DOCK8: variants seen among roughly 807,000 people sequenced by gnomAD.
The protein encoded by DOCK8 is dedicator of cytokinesis 8.
In DOCK8, 141 loss-of-function variants were observed where a neutral mutation model predicts 245.6. The observed-to-expected ratio is 0.57, with a 90% CI of 0.50 to 0.66. The LOEUF (loss-of-function observed/expected upper bound fraction) is 0.66. DOCK8 is among the 30% of genes least tolerant of loss of function. The pLI is 0.00. For missense variants in DOCK8, 2,965 were observed against 2,603.4 expected (o/e 1.14, Z -3.02); for synonymous variants, 1,168 against 970.2 (o/e 1.20, Z -3.79).
intron 2 of DOCK8, among the ~76,000 whole-genome samples, chr9:279,908 G>A (rs1347179519): frequency 6.6e-6 from 1 of 152,110 alleles, no homozygotes; most frequent in Non-Finnish European, 1.5e-5. Flanking sequence ...TGTGACTTGG[G>A]GCAAGTCATT....
intron 3 of DOCK8, among the ~76,000 whole-genome samples, chr9:287,232 T>C (rs1042516603): frequency 2.0e-5 from 3 of 152,188 alleles, no homozygotes; most frequent in Admixed American, 6.6e-5. Flanking sequence ...AATATGTGAA[T>C]AGCTAATTAG....
chr9:325,600 C>A, intron 7 of DOCK8, 71 bp from the exon 8 acceptor site: 2 of 1,240,672 alleles, frequency 1.6e-6, no homozygotes, highest in Non-Finnish European at 2.4e-6. Context: ...GTTTATCTAT[C>A]TAGGTGTTTT....
chr9:444,079 G>A (rs1247449423), intron 43 of DOCK8, among the ~76,000 whole-genome samples: 1 of 152,052 alleles, frequency 6.6e-6, no homozygotes, highest in Non-Finnish European at 1.5e-5. Flanking sequence ...TGGTAAAAAC[G>A]GCTTGGGTTT....
intron 26 of DOCK8, among the ~76,000 whole-genome samples, chr9:403,930 G>GC (rs2055262318): frequency 1.3e-5 from 1 of 76,888 alleles, no homozygotes; most frequent in African/African-American, 5.6e-5. Flanking sequence ...ATATATATAT[G>GC]TGTATATATA....
At chr9:371,697 T>G (rs1586826770) in intron 17 of DOCK8, 131 bp downstream of exon 17, 1 of 1,247,062 alleles carries the variant, frequency 8.0e-7, no homozygotes, top group South Asian at 1.3e-5. Flanking sequence ...CTAAGCCACA[T>G]TATAGCAAGA....
In DOCK8 at chr9:266,604, GCT is replaced by G. The variant is rs1380839026; in HGVS notation, c.54-5020_54-5019del. On this transcript the variant is annotated intron_variant, in intron 1 of 47. Coordinates refer to ENST00000432829, the MANE Select transcript of DOCK8 (RefSeq NM_203447.4). ...ATGATCCAGCAGCCACACTTTGCAA[GCT>G]CTACGCTATGATTAGTTGTGGTTTG... Among the ~76,000 whole-genome samples the G allele has an allele frequency of 2.0e-4, 30 of 152,182 alleles. No homozygotes were observed. In the East Asian group the frequency reaches 3.1e-3, roughly 16 times the overall value.
chr9:440,152 G>A (rs1172923593), intron 40 of DOCK8, among the ~76,000 whole-genome samples: 2 of 152,048 alleles, frequency 1.3e-5, no homozygotes, highest in Non-Finnish European at 2.9e-5. Context: ...ATGAGTAGCT[G>A]GGATTACAGG....
rs185880324 is a variant in DOCK8 at position 246,109 on chromosome 9, C to T, written c.54-25518C>T. On this transcript the variant is annotated intron_variant, in intron 1 of 47. Coordinates refer to ENST00000432829, the MANE Select transcript of DOCK8 (RefSeq NM_203447.4). ...AGTGGCGTACCTGTAGTTCCAGCTACTTGGGAGGCTAAGGTGGGAGGATTG... is the reference window on the plus strand; with the variant it reads ...AGTGGCGTACCTGTAGTTCCAGCTATTTGGGAGGCTAAGGTGGGAGGATTG... 5.0e-4 allele frequency among the ~76,000 whole-genome samples: 76 copies of T among 152,100 alleles called. 1 individual carries two copies. Among genetic ancestry groups the T allele is most frequent in the African/African-American group, 1.8e-3 (74 of 41,476 alleles).
At chr9:410,327 T>TGTTGAA (rs2055663529) in intron 28 of DOCK8, among the ~76,000 whole-genome samples, 1 of 152,218 alleles carries the variant, frequency 6.6e-6, no homozygotes, top group South Asian at 2.1e-4. Context: ...TGTTGTTGAA[T>TGTTGAA]TTCATAGTCT....
chr9:443,467 T>A lies in DOCK8; in HGVS notation c.5531T>A (p.Val1844Glu). 6.2e-7 allele frequency: 1 copy of A among 1,614,080 alleles called. No individual in the cohort carries two copies. The change falls in exon 43 of 48, where the codon GTG becomes GAG. Residue 1844 changes from valine to glutamate, a missense_variant. This residue lies in a region of DOCK8 where 2,825 missense variants were observed against 2,453.5 expected (regional missense o/e 1.15). Transcript: ENST00000432829. ...GQCFGAEFVEVIKDSTPVDKT... is the reference protein window; with the variant it reads ...GQCFGAEFVEEIKDSTPVDKT... ...TGTTTTGGTGCAGAATTTGTGGAAG[T>A]GATTAAAGACTCCACTCCTGTGGAC...
chr9:421,280 A>G (rs1264209410), intron 32 of DOCK8, among the ~76,000 whole-genome samples: 5 of 152,228 alleles, frequency 3.3e-5, no homozygotes, highest in African/African-American at 7.2e-5. Context: ...CTACAATTGT[A>G]GGAACCCTGA....
At chr9:303,639 A>G (rs10757845) in intron 4 of DOCK8, among the ~76,000 whole-genome samples, 125,168 of 152,140 alleles carry the variant, frequency 0.82, 52,426 homozygotes, top group Non-Finnish European at 0.9. Context: ...GGGATTACTA[A>G]AGAAGGGAGG....
At chr9:214,726 G>A, upstream of DOCK8, 1 of 1,530,244 alleles carries the variant, frequency 6.5e-7, no homozygotes, top group Non-Finnish European at 8.8e-7. Flanking sequence ...TTCCGCGCTG[G>A]GCCCACGCCC....
At chr9:462,182 C>T (rs910968076) in intron 46 of DOCK8, among the ~76,000 whole-genome samples, 2 of 152,144 alleles carry the variant, frequency 1.3e-5, no homozygotes, top group African/African-American at 2.4e-5. Flanking sequence ...GAGAGTGGCT[C>T]ATATGCCCTG....
At chr9:398,611 AGTGAATACACCCT>A (rs2054577826) in intron 25 of DOCK8, among the ~76,000 whole-genome samples, 1 of 152,176 alleles carries the variant, frequency 6.6e-6, no homozygotes. Flanking sequence ...TACCCTACGG[AGTGAATACACCCT>A]GCGGAGTATG....
At chr9:243,677 C>T (rs556418065) in intron 1 of DOCK8, among the ~76,000 whole-genome samples, 1 of 152,220 alleles carries the variant, frequency 6.6e-6, no homozygotes, top group Admixed American at 6.5e-5. Context: ...CCTACCTTTC[C>T]CCTGCAGCCT....
rs570983571 is a variant in DOCK8, at chr9:217,846, G to T, written c.53+2817G>T. Among the ~76,000 whole-genome samples, 10 of 152,308 alleles carry T rather than the reference G, an allele frequency of 6.6e-5. No individual in the cohort carries two copies. The South Asian group carries it at 2.1e-3, about 32-fold the overall frequency. The stretch of plus-strand genomic sequence containing the variant: ...TGGAGATACAGCTGCACAAGGCCAT[G>T]TAATTTTTTCAAGACCATACAACCA... On this transcript the variant is annotated intron_variant, in intron 1 of 47. Transcript: ENST00000432829.
intron 10 of DOCK8, among the ~76,000 whole-genome samples, chr9:333,600 C>CAAAAAAAAA (rs55727463): frequency 8.3e-6 from 1 of 121,140 alleles, no homozygotes; most frequent in Non-Finnish European, 1.8e-5. Flanking sequence ...GACTCTGTCT[C>CAAAAAAAAA]AAAAAAAAAA....
intron 4 of DOCK8, among the ~76,000 whole-genome samples, chr9:293,829 T>C (rs998332071): frequency 1.3e-5 from 2 of 152,244 alleles, no homozygotes; most frequent in Non-Finnish European, 2.9e-5. Context: ...TGATTAATTA[T>C]TTAGCTCTCC....
Sources: allele counts gnomAD v4.1 joint callset (sites outside exome capture counted in the v4.1 genomes callset), GRCh38; gene constraint gnomAD v4.1.1; regional missense constraint gnomAD v4.1.1; transcripts MANE v1.5; gene names NCBI Gene and HGNC (gene_info 2026-07-23, HGNC 2026-07-21).